The following SPATA6 variants were observed in gnomAD, a reference collection of about 807,000 sequenced individuals.
The protein encoded by SPATA6 is spermatogenesis associated 6.
Under a neutral mutation model 65.3 loss-of-function variants are expected in SPATA6, and 56 were observed. The ratio of observed to expected loss-of-function variants is 0.86; its 90% CI spans 0.69 to 1.07. SPATA6 has a LOEUF of 1.07. Ranked by LOEUF, SPATA6 falls within the 50% of genes least tolerant of loss-of-function variation. The probability of loss-of-function intolerance (pLI) is 0.00; values close to 1 mark genes in which losing one functional copy is unlikely to be tolerated. For missense variants in SPATA6, 590 were observed against 594.8 expected (o/e 0.99, Z 0.08); for synonymous variants, 199 against 213.2 (o/e 0.93, Z 0.58).
At chr1:48,341,365 T>C (rs138476094) in intron 11 of SPATA6, among the ~76,000 whole-genome samples, 159 of 152,258 alleles carry the variant, frequency 1.0e-3, no homozygotes, top group African/African-American at 3.7e-3. Context: ...TCATTCTGAG[T>C]AGCATGATAA....
At chr1:48,402,673 T>C (rs1451253023) in intron 6 of SPATA6, 2 of 152,210 alleles carry the variant, frequency 1.3e-5, no homozygotes, top group Admixed American at 6.5e-5. Context: ...GCAAATTTAC[T>C]TGAATACTGA....
the SPATA6 span, among the ~76,000 whole-genome samples, chr1:48,275,266 A>G: frequency 6.6e-6 from 1 of 152,212 alleles, no homozygotes; most frequent in Admixed American, 6.5e-5. Flanking sequence ...TTCTAAATAT[A>G]CAATCATGTC....
intron 11 of SPATA6, among the ~76,000 whole-genome samples, chr1:48,354,686 T>G (rs975776387): frequency 6.6e-6 from 1 of 152,098 alleles, no homozygotes; most frequent in African/African-American, 2.4e-5. Flanking sequence ...ATGTCATTTA[T>G]ATAAAGCTCA....
intron 11 of SPATA6, chr1:48,325,862 G>A (rs1645744197): frequency 2.7e-6 from 1 of 364,680 alleles, no homozygotes; most frequent in African/African-American, 2.1e-5. Flanking sequence ...GTACTGTTGA[G>A]ATCTATCAGG....
chr1:48,328,348 A>G (rs1282073249), intron 11 of SPATA6, among the ~76,000 whole-genome samples: 1 of 152,116 alleles, frequency 6.6e-6, no homozygotes, highest in South Asian at 2.1e-4. Flanking sequence ...CAACAACCCA[A>G]ACTAAATGAT....
intron 3 of SPATA6, among the ~76,000 whole-genome samples, chr1:48,439,053 C>A (rs1471783937): frequency 7.9e-5 from 12 of 152,172 alleles, no homozygotes; most frequent in Non-Finnish European, 7.4e-5. Context: ...GATCCCTTCC[C>A]TCCCTCAGGG....
At chr1:48,319,182 A>C (rs1557555574) in intron 11 of SPATA6, among the ~76,000 whole-genome samples, 2 of 152,294 alleles carry the variant, frequency 1.3e-5, no homozygotes, top group South Asian at 2.1e-4. Context: ...CATAGGCATA[A>C]ATTTTTATGT....
At chr1:48,333,656 G>A (rs1645978013) in intron 11 of SPATA6, among the ~76,000 whole-genome samples, 1 of 152,150 alleles carries the variant, frequency 6.6e-6, no homozygotes, top group African/African-American at 2.4e-5. Flanking sequence ...AGTGTTAAGA[G>A]GGAAATTTAT....
the SPATA6 span, among the ~76,000 whole-genome samples, chr1:48,280,394 G>T: frequency 2.0e-5 from 3 of 152,148 alleles, no homozygotes; most frequent in Non-Finnish European, 4.4e-5. Context: ...GAATACAGGA[G>T]CTGTTTTTTT....
intron 3 of SPATA6, 22 bp downstream of exon 3, chr1:48,451,530 A>G (rs770862178): frequency 1.3e-6 from 2 of 1,597,196 alleles, no homozygotes; most frequent in Admixed American, 1.8e-5. Context: ...AGAATCAGGA[A>G]TTAAAAAGTT....
At chr1:48,310,701 A>G (rs752753888) in intron 11 of SPATA6, among the ~76,000 whole-genome samples, 12 of 152,210 alleles carry the variant, frequency 7.9e-5, no homozygotes, top group Non-Finnish European at 1.3e-4. Flanking sequence ...CAACCAGTAA[A>G]TGGAAGACCT....
intron 3 of SPATA6, chr1:48,436,603 G>A: frequency 4.3e-6 from 7 of 1,613,730 alleles, no homozygotes; most frequent in Non-Finnish European, 5.9e-6. Context: ...GGTTAAGCAT[G>A]GACAGAGGCA....
chr1:48,279,791 A>C, the SPATA6 span, among the ~76,000 whole-genome samples: 1 of 152,220 alleles, frequency 6.6e-6, no homozygotes, highest in Non-Finnish European at 1.5e-5. Context: ...AAAGTTAACA[A>C]GGATACCCAG....
chr1:48,312,448 G>T (rs916537443), intron 11 of SPATA6, among the ~76,000 whole-genome samples: 1 of 152,104 alleles, frequency 6.6e-6, no homozygotes, highest in Non-Finnish European at 1.5e-5. Flanking sequence ...GTCTGGAATG[G>T]ACCTCCAGCA....
At chr1:48,377,875 G>C (rs1373979341) in intron 9 of SPATA6, among the ~76,000 whole-genome samples, 1 of 152,152 alleles carries the variant, frequency 6.6e-6, no homozygotes, top group Non-Finnish European at 1.5e-5. Context: ...CTAGGTAAGA[G>C]AATGTGATTA....
intron 11 of SPATA6, among the ~76,000 whole-genome samples, chr1:48,332,591 C>A (rs913067920): frequency 6.6e-6 from 1 of 152,146 alleles, no homozygotes; most frequent in Non-Finnish European, 1.5e-5. Flanking sequence ...TACTTACAGA[C>A]CTTCAAAGAG....
At position 48,411,565 on chromosome 1, in the gene SPATA6, C is replaced by T; in HGVS notation, c.304G>A (p.Asp102Asn). Residue 102 changes from aspartate to asparagine, a missense_variant, in exon 5 of 13, where the codon GAC (aspartate) becomes AAC (asparagine). Physicochemically the swap from Asp to Asn is conservative, Grantham distance 23. Transcript: ENST00000371847. ...AACATGAAATCTCGTGTATTTTCGT[C>T]ATACGTAGACAGTGTTTCACCCACT... ...PPVGETLSTYDENTRDFMFPG... is the reference protein window; with the variant it reads ...PPVGETLSTYNENTRDFMFPG... 6.2e-7 allele frequency: 1 copy of T among 1,603,520 alleles called. No homozygotes were observed.
At chr1:48,390,748 T>TCA (rs1649971610) in intron 8 of SPATA6, among the ~76,000 whole-genome samples, 2 of 152,266 alleles carry the variant, frequency 1.3e-5, no homozygotes, top group South Asian at 4.2e-4. Context: ...ACTTTCTCAC[T>TCA]CACACATATC....
chr1:48,301,274 C>T (rs1414824236), intron 12 of SPATA6, among the ~76,000 whole-genome samples: 1 of 150,832 alleles, frequency 6.6e-6, no homozygotes, highest in Non-Finnish European at 1.5e-5. Context: ...GAAAGCAATC[C>T]CATTTCCAAT....
Sources: allele counts gnomAD v4.1 joint callset (sites outside exome capture counted in the v4.1 genomes callset), GRCh38; gene constraint gnomAD v4.1.1; transcripts MANE v1.5; gene names NCBI Gene and HGNC (gene_info 2026-07-23, HGNC 2026-07-21).